The following EPHA6 variants were observed in gnomAD, a reference collection of about 807,000 sequenced individuals.
EPHA6 encodes the protein ephrin type-A receptor 6.
Under a neutral mutation model 112.0 loss-of-function variants are expected in EPHA6, and 50 were observed. The observed-to-expected ratio is 0.45, with a 90% confidence interval of 0.36 to 0.56. EPHA6 has a LOEUF of 0.56. Among genes scored for constraint, EPHA6 ranks in the 20% least tolerant of loss-of-function variants. The pLI is 0.00. For missense variants in EPHA6, 1,280 were observed against 1,417.4 expected, an observed-to-expected ratio of 0.90 and a Z score of 1.56; for synonymous variants, 529 against 490.7, an observed-to-expected ratio of 1.08 and a Z score of -1.03.
intron 7 of EPHA6, among the ~76,000 whole-genome samples, chr3:97,471,873 A>G (rs551642642): frequency 5.2e-4 from 79 of 151,774 alleles, no homozygotes; most frequent in Non-Finnish European, 8.4e-4. Context: ...GGCTTAAAAC[A>G]ATATATCACA....
chr3:97,375,832 C>G (rs1474393882), intron 5 of EPHA6, among the ~76,000 whole-genome samples: 1 of 152,040 alleles, frequency 6.6e-6, no homozygotes, highest in Non-Finnish European at 1.5e-5. Flanking sequence ...GAAAAAAGGA[C>G]TACACACTCT....
intron 5 of EPHA6, among the ~76,000 whole-genome samples, chr3:97,390,218 T>C (rs892986640): frequency 1.3e-5 from 2 of 152,056 alleles, no homozygotes; most frequent in South Asian, 2.1e-4. Flanking sequence ...CCAGAAACAA[T>C]GGCAGTGAAT....
chr3:97,461,184 G>T (rs1367897859), intron 7 of EPHA6, among the ~76,000 whole-genome samples: 4 of 152,140 alleles, frequency 2.6e-5, no homozygotes. Flanking sequence ...GCAGAAAGAA[G>T]AAAGAAATTT....
chr3:96,863,949 A>G (rs2036158650), intron 1 of EPHA6, among the ~76,000 whole-genome samples: 1 of 152,082 alleles, frequency 6.6e-6, no homozygotes, highest in Non-Finnish European at 1.5e-5. Flanking sequence ...AATAAAACTT[A>G]TGAACATTTA....
At chr3:97,284,297 G>A (rs74746946) in intron 5 of EPHA6, among the ~76,000 whole-genome samples, 2,361 of 152,142 alleles carry the variant, frequency 0.016, 53 homozygotes, top group African/African-American at 0.053. Context: ...AAAAATTACT[G>A]GAAGTTTCAT....
chr3:97,586,146 C>T (rs1225112663), intron 11 of EPHA6, among the ~76,000 whole-genome samples: 1 of 152,182 alleles, frequency 6.6e-6, no homozygotes. Context: ...ACTCAACTTG[C>T]ATTTATTGAA....
At chr3:97,682,534 C>A (rs2031941853) in intron 14 of EPHA6, among the ~76,000 whole-genome samples, 1 of 152,184 alleles carries the variant, frequency 6.6e-6, no homozygotes, top group South Asian at 2.1e-4. Context: ...CAATGCTGAG[C>A]AAGTCATGTC....
intron 14 of EPHA6, chr3:97,646,108 T>C: frequency 2.0e-6 from 3 of 1,522,482 alleles, no homozygotes; most frequent in Non-Finnish European, 2.6e-6. Context: ...AAAATGACTT[T>C]GCCAATTCAG....
At chr3:97,721,110 T>A (rs943916976) in intron 15 of EPHA6, among the ~76,000 whole-genome samples, 4 of 152,166 alleles carry the variant, frequency 2.6e-5, no homozygotes, top group African/African-American at 9.7e-5. Context: ...AATTCAGGCT[T>A]TGTCTACTCA....
At chr3:97,665,786 G>A (rs1461747896) in intron 14 of EPHA6, among the ~76,000 whole-genome samples, 6 of 152,186 alleles carry the variant, frequency 3.9e-5, no homozygotes, top group Admixed American at 6.5e-5. Context: ...GGCCAGGCGC[G>A]GTGGGTCACG....
chr3:96,950,187 C>T (rs2041465484), intron 2 of EPHA6, among the ~76,000 whole-genome samples: 1 of 151,890 alleles, frequency 6.6e-6, no homozygotes, highest in South Asian at 2.1e-4. Context: ...GTCTAATGTT[C>T]CAACCACAAT....
Position 96,814,945 on chromosome 3 carries a change from G to T in EPHA6, c.322G>T (p.Gly108Cys). Residue 108 changes from glycine to cysteine, a missense_variant, in exon 1 of 18, where the codon GGT becomes TGT. Gly to Cys is a radical substitution (Grantham distance 159). Transcript: ENST00000389672. Reference sequence around the variant, plus strand: ...AGTCCGGGAATTTCTTTTGCAATTTGGTTTCTTCTTGCCTCTGCTGACAGC... The same window carrying T: ...AGTCCGGGAATTTCTTTTGCAATTTTGTTTCTTCTTGCCTCTGCTGACAGC... Reference protein sequence around the residue: ...CEVREFLLQFGFFLPLLTAWP... With the variant: ...CEVREFLLQFCFFLPLLTAWP... The T allele has an allele frequency of 1.3e-6, 2 of 1,550,898 alleles. No homozygotes were observed.
chr3:97,488,659 C>G (rs1307148989), intron 10 of EPHA6, among the ~76,000 whole-genome samples: 11 of 152,124 alleles, frequency 7.2e-5, no homozygotes. Context: ...TCACAATTCT[C>G]TTTATATATA....
intron 2 of EPHA6, among the ~76,000 whole-genome samples, chr3:96,905,613 G>T (rs1005274236): frequency 3.3e-5 from 5 of 151,876 alleles, no homozygotes; most frequent in South Asian, 2.1e-4. Context: ...AAATGTGCCT[G>T]AACTGAAATA....
chr3:97,213,822 T>C (rs1032839965), intron 3 of EPHA6, among the ~76,000 whole-genome samples: 1 of 152,188 alleles, frequency 6.6e-6, no homozygotes, highest in Non-Finnish European at 1.5e-5. Flanking sequence ...CATTTTACTC[T>C]TATTCTTTGG....
At chr3:97,223,329 G>A (rs192899723) in intron 3 of EPHA6, among the ~76,000 whole-genome samples, 3 of 152,192 alleles carry the variant, frequency 2.0e-5, no homozygotes, top group Non-Finnish European at 4.4e-5. Context: ...AAATATTGCA[G>A]CAGGGTGTAG....
chr3:97,495,223 A>C (rs1679368001), intron 10 of EPHA6, among the ~76,000 whole-genome samples: 1 of 151,804 alleles, frequency 6.6e-6, no homozygotes, highest in South Asian at 2.1e-4. Flanking sequence ...TGAGTGCAAT[A>C]TTATATTTTT....
chr3:97,363,570 G>A (rs1251654617), intron 5 of EPHA6, among the ~76,000 whole-genome samples: 1 of 151,452 alleles, frequency 6.6e-6, no homozygotes, highest in Admixed American at 6.6e-5. Flanking sequence ...AAGAACCTCT[G>A]AATTAGAAAT....
intron 13 of EPHA6, among the ~76,000 whole-genome samples, chr3:97,624,749 A>T (rs1039674543): frequency 2.0e-5 from 3 of 151,578 alleles, no homozygotes; most frequent in African/African-American, 7.3e-5. Context: ...AGGTCTATTC[A>T]GGTTTTTTAT....
Sources: allele counts gnomAD v4.1 joint callset (sites outside exome capture counted in the v4.1 genomes callset), GRCh38; gene constraint gnomAD v4.1.1; transcripts MANE v1.5; gene names NCBI Gene and HGNC (gene_info 2026-07-23, HGNC 2026-07-21).